Variants in FHIT observed in about 807,000 individuals in gnomAD.
FHIT encodes the protein fragile histidine triad diadenosine triphosphatase.
A neutral mutation model predicts 17.9 loss-of-function variants in FHIT; 19 were observed. The ratio of observed to expected loss-of-function variants is 1.06; its 90% confidence interval spans 0.74 to 1.56. FHIT has a LOEUF of 1.56. Ranked by LOEUF, FHIT falls within the 40% of genes most tolerant of loss-of-function variation. FHIT has a pLI of 0.00. For missense variants in FHIT, 248 were observed against 189.2 expected (o/e 1.31, Z -1.82); for synonymous variants, 81 against 69.7 (o/e 1.16, Z -0.81).
intron 5 of FHIT, among the ~76,000 whole-genome samples, chr3:60,125,580 C>G (rs866506744): frequency 6.8e-6 from 1 of 146,606 alleles, no homozygotes; most frequent in Non-Finnish European, 1.5e-5. Context: ...TGCAGTGAGC[C>G]AAGATCATGC....
chr3:60,130,645 AC>A (rs5849332), intron 5 of FHIT, among the ~76,000 whole-genome samples: 152,080 of 152,084 alleles, frequency 1, 76,038 homozygotes, highest in Middle Eastern at 1. Flanking sequence ...ATAAAGAAAC[AC>A]CCCACATTGT....
intron 3 of FHIT, among the ~76,000 whole-genome samples, chr3:61,033,793 C>G (rs1174291194): frequency 6.6e-6 from 1 of 152,188 alleles, no homozygotes; most frequent in African/African-American, 2.4e-5. Flanking sequence ...ATCTGAAATT[C>G]TTGCAGGTCA....
At chr3:60,616,447 T>C (rs2038953211) in intron 4 of FHIT, among the ~76,000 whole-genome samples, 2 of 152,226 alleles carry the variant, frequency 1.3e-5, no homozygotes, top group Non-Finnish European at 2.9e-5. Context: ...TTTTTAATTA[T>C]ACAAGTAATA....
intron 4 of FHIT, among the ~76,000 whole-genome samples, chr3:60,674,124 C>T (rs1228637710): frequency 6.6e-6 from 1 of 152,130 alleles, no homozygotes; most frequent in Admixed American, 6.5e-5. Context: ...TCAGATCAGA[C>T]AATTTCTACT....
Position 61,233,433 on chromosome 3 carries a change from T to C in FHIT, c.-213+17868A>G, listed in dbSNP as rs74811469. On this transcript the variant is annotated intron_variant, in intron 1 of 9. Transcript: ENST00000492590. ...TAGAATACTCAGTGGCACAGAAAAGTATTCATAGTATATTTTTTAAATCAT... is the reference window on the plus strand; with the variant it reads ...TAGAATACTCAGTGGCACAGAAAAGCATTCATAGTATATTTTTTAAATCAT... Among the ~76,000 whole-genome samples the C allele has an allele frequency of 3.4e-4, 52 of 152,328 alleles. No homozygotes were observed. The East Asian group carries it at 9.6e-3, about 28-fold the overall frequency.
intron 5 of FHIT, among the ~76,000 whole-genome samples, chr3:60,515,124 AC>A (rs1231251473): frequency 6.6e-6 from 1 of 152,092 alleles, no homozygotes; most frequent in Non-Finnish European, 1.5e-5. Context: ...AAAGCCTCTG[AC>A]CTGGAGCCGA....
intron 8 of FHIT, among the ~76,000 whole-genome samples, chr3:59,852,080 A>C (rs1057103476): frequency 1.3e-5 from 2 of 152,172 alleles, no homozygotes; most frequent in African/African-American, 2.4e-5. Context: ...TCTGAAAATC[A>C]CATATAATCA....
chr3:60,793,398 G>A (rs1004421673), intron 4 of FHIT, among the ~76,000 whole-genome samples: 5 of 151,988 alleles, frequency 3.3e-5, no homozygotes, highest in Non-Finnish European at 5.9e-5. Flanking sequence ...CAACCCCTGG[G>A]TTCAAGCAAT....
chr3:59,874,853 C>G (rs1280297042), intron 8 of FHIT, among the ~76,000 whole-genome samples: 1 of 152,224 alleles, frequency 6.6e-6, no homozygotes, highest in Non-Finnish European at 1.5e-5. Flanking sequence ...CTAGCACTCC[C>G]TTTCAGTTCA....
chr3:61,041,565 T>C (rs949776516), intron 3 of FHIT, among the ~76,000 whole-genome samples: 1 of 152,062 alleles, frequency 6.6e-6, no homozygotes, highest in African/African-American at 2.4e-5. Flanking sequence ...TAATTCCTAC[T>C]TTTTCAGAAA....
chr3:60,008,220 C>T (rs1699998489), intron 7 of FHIT, among the ~76,000 whole-genome samples: 2 of 152,076 alleles, frequency 1.3e-5, no homozygotes, highest in Admixed American at 6.6e-5. Flanking sequence ...GTCAGGGAGG[C>T]TGTTTGGATC....
chr3:60,875,773 G>T (rs947887709), intron 3 of FHIT, among the ~76,000 whole-genome samples: 11 of 151,958 alleles, frequency 7.2e-5, no homozygotes, highest in Admixed American at 3.9e-4. Flanking sequence ...TACTTTATAG[G>T]TGAGGAAACT....
At chr3:60,537,485 C>G (rs1265339555) in intron 4 of FHIT, 1 of 981,994 alleles carries the variant, frequency 1.0e-6, no homozygotes, top group African/African-American at 1.8e-5. Flanking sequence ...AAAACATGAG[C>G]ACTTCCAGAG....
chr3:61,008,868 G>A (rs2031615946), intron 3 of FHIT, among the ~76,000 whole-genome samples: 1 of 152,138 alleles, frequency 6.6e-6, no homozygotes, highest in African/African-American at 2.4e-5. Context: ...CTTAGCACAT[G>A]TTAAAAAATA....
rs532026099 is a variant in FHIT at position 60,924,336 on chromosome 3, G to T, written c.-110-102325C>A. The stretch of plus-strand genomic sequence containing the variant: ...TAGGGGCAGACTGACACCTCACACG[G>T]CCGGGTACTCTTCTGAGACAAAACT... On this transcript the variant is annotated intron_variant, in intron 3 of 9. Transcript: ENST00000492590. Among the ~76,000 whole-genome samples, 8 of 152,254 alleles carry T rather than the reference G, an allele frequency of 5.3e-5. 2 individuals carry two copies. The South Asian group carries it at 1.7e-3, about 32-fold the overall frequency.
chr3:60,965,131 T>G (rs1472935405), intron 3 of FHIT, among the ~76,000 whole-genome samples: 2 of 152,062 alleles, frequency 1.3e-5, no homozygotes, highest in African/African-American at 4.8e-5. Context: ...TGTTCATTTC[T>G]TTTTACTCTT....
At chr3:60,676,129 G>A (rs534535599) in intron 4 of FHIT, among the ~76,000 whole-genome samples, 17 of 152,176 alleles carry the variant, frequency 1.1e-4, no homozygotes, top group Admixed American at 3.3e-4. Flanking sequence ...TAAAGCTGAC[G>A]GACAGGGCAA....
At chr3:59,828,001 A>T (rs1701034546) in intron 8 of FHIT, among the ~76,000 whole-genome samples, 1 of 152,196 alleles carries the variant, frequency 6.6e-6, no homozygotes, top group African/African-American at 2.4e-5. Context: ...AGACATTTCT[A>T]TTCCATTTCA....
At chr3:60,155,731 T>C (rs1178274705) in intron 5 of FHIT, among the ~76,000 whole-genome samples, 3 of 152,194 alleles carry the variant, frequency 2.0e-5, no homozygotes, top group African/African-American at 7.2e-5. Flanking sequence ...GAATACCACG[T>C]TGACTCCATG....
Sources: allele counts gnomAD v4.1 joint callset (sites outside exome capture counted in the v4.1 genomes callset), GRCh38; gene constraint gnomAD v4.1.1; transcripts MANE v1.5; gene names NCBI Gene and HGNC (gene_info 2026-07-23, HGNC 2026-07-21).